GAS2: variants seen among roughly 807,000 people sequenced by gnomAD.
GAS2 encodes the protein growth arrest specific 2, also known as growth arrest-specific protein 2.
A neutral mutation model predicts 37.5 loss-of-function variants in GAS2; 20 were observed. That is an observed-to-expected ratio of 0.53 (90% CI 0.37 to 0.77). The LOEUF (loss-of-function observed/expected upper bound fraction) is 0.77. GAS2 is among the 30% of genes least tolerant of loss of function. The pLI is 0.00. For synonymous variants in GAS2, 144 were observed against 132.2 expected (o/e 1.09, Z -0.61); for missense variants, 336 against 373.4 (o/e 0.90, Z 0.82).
intron 5 of GAS2, among the ~76,000 whole-genome samples, chr11:22,742,640 G>A (rs950997269): frequency 5.3e-5 from 8 of 151,952 alleles, no homozygotes; most frequent in African/African-American, 1.7e-4. Flanking sequence ...TATGTTCAGC[G>A]GCATAACTAA....
At chr11:22,700,493 G>C (rs1216131392) in intron 3 of GAS2, among the ~76,000 whole-genome samples, 1 of 152,134 alleles carries the variant, frequency 6.6e-6, no homozygotes, top group African/African-American at 2.4e-5. Context: ...AAACAATAAG[G>C]ATCTGAGGAC....
chr11:22,665,916 T>C (rs529944694), upstream of GAS2, among the ~76,000 whole-genome samples: 41 of 152,304 alleles, frequency 2.7e-4, no homozygotes, highest in African/African-American at 9.1e-4. Flanking sequence ...ATTGTAAACA[T>C]TGGATGGCAA....
At chr11:22,690,991 C>G (rs1318476607) in intron 3 of GAS2, among the ~76,000 whole-genome samples, 1 of 152,122 alleles carries the variant, frequency 6.6e-6, no homozygotes, top group East Asian at 1.9e-4. Context: ...TACTAACTTT[C>G]CTTTGCATTT....
At chr11:22,778,174 T>C (rs1855361338) in intron 7 of GAS2, among the ~76,000 whole-genome samples, 1 of 152,198 alleles carries the variant, frequency 6.6e-6, no homozygotes, top group South Asian at 2.1e-4. Flanking sequence ...GTCAAATGAT[T>C]CTGCTGTCCA....
At chr11:22,806,720 A>C (rs540853381) in intron 7 of GAS2, among the ~76,000 whole-genome samples, 1 of 152,320 alleles carries the variant, frequency 6.6e-6, no homozygotes, top group East Asian at 1.9e-4. Context: ...GCAAGGTCTA[A>C]CTGAGACGTC....
At chr11:22,695,506 C>T (rs1195332324) in intron 3 of GAS2, among the ~76,000 whole-genome samples, 1 of 152,018 alleles carries the variant, frequency 6.6e-6, no homozygotes, top group African/African-American at 2.4e-5. Flanking sequence ...ATTTTCTTAC[C>T]CAACCTGCTC....
At chr11:22,639,312 C>T (rs1368815754) in intron 1 of GAS2, among the ~76,000 whole-genome samples, 1 of 152,098 alleles carries the variant, frequency 6.6e-6, no homozygotes, top group South Asian at 2.1e-4. Context: ...TAAAAATAAG[C>T]ATAGATTGAT....
At chr11:22,744,101 AC>A (rs1339559997) in intron 5 of GAS2, among the ~76,000 whole-genome samples, 1 of 152,030 alleles carries the variant, frequency 6.6e-6, no homozygotes, top group African/African-American at 2.4e-5. Flanking sequence ...AAAAGTTGAA[AC>A]CCTGAACAGA....
At chr11:22,773,386 C>CTT (rs34014416) in intron 7 of GAS2, among the ~76,000 whole-genome samples, 51 of 64,992 alleles carry the variant, frequency 7.8e-4, no homozygotes, top group African/African-American at 1.6e-3. Flanking sequence ...ACACCTCAAT[C>CTT]TTTTTTTTTT....
At chr11:22,769,351 C>T (rs1590110570) in intron 7 of GAS2, among the ~76,000 whole-genome samples, 1 of 152,208 alleles carries the variant, frequency 6.6e-6, no homozygotes, top group East Asian at 1.9e-4. Context: ...TATTTATCTC[C>T]TGTATTTCCC....
At chr11:22,707,297 T>C (rs1027435394) in intron 3 of GAS2, among the ~76,000 whole-genome samples, 3 of 152,194 alleles carry the variant, frequency 2.0e-5, no homozygotes, top group Admixed American at 1.3e-4. Flanking sequence ...TACCTGAGGG[T>C]TATGAGCCTT....
chr11:22,775,235 ATGAAT>A (rs1467501327), intron 7 of GAS2, among the ~76,000 whole-genome samples: 1 of 152,224 alleles, frequency 6.6e-6, no homozygotes. Flanking sequence ...AGTGCAGATA[ATGAAT>A]TGAAAAGGTA....
chr11:22,714,563 G>A (rs962067768), intron 3 of GAS2, among the ~76,000 whole-genome samples: 3 of 152,048 alleles, frequency 2.0e-5, no homozygotes, highest in African/African-American at 7.2e-5. Context: ...TCCAACAACT[G>A]CAGAATAAAG....
intron 3 of GAS2, among the ~76,000 whole-genome samples, chr11:22,716,018 C>T (rs1320034364): frequency 6.6e-6 from 1 of 152,154 alleles, no homozygotes; most frequent in Non-Finnish European, 1.5e-5. Context: ...GGGTTTCATA[C>T]TAGGGATGCA....
At position 22,782,553 on chromosome 11, in the gene GAS2, G is replaced by GC. The variant is rs1186463656; in HGVS notation, c.723+26605dup. Among the ~76,000 whole-genome samples, 8 of 151,762 alleles carry GC rather than the reference G, an allele frequency of 5.3e-5. No individual in the cohort carries two copies. In the East Asian group the frequency reaches 1.4e-3, roughly 26 times the overall value. On this transcript the variant is annotated intron_variant, in intron 7 of 7. Transcript: ENST00000454584. ...TCCAACAGGGAGTTTTTCAGCTCTTGCCCCCACATCCTTTTCCCCTCTAGT... is the reference window on the plus strand; with the variant it reads ...TCCAACAGGGAGTTTTTCAGCTCTTGCCCCCCACATCCTTTTCCCCTCTAGT...
intron 2 of GAS2, among the ~76,000 whole-genome samples, chr11:22,682,498 T>G (rs1849728358): frequency 6.6e-6 from 1 of 152,298 alleles, no homozygotes; most frequent in African/African-American, 2.4e-5. Context: ...CTTCTTTATC[T>G]TAAAATTTAA....
intron 7 of GAS2, among the ~76,000 whole-genome samples, chr11:22,765,988 A>G (rs1019985260): frequency 6.6e-6 from 1 of 152,138 alleles, no homozygotes; most frequent in Non-Finnish European, 1.5e-5. Flanking sequence ...GGTGCCACAC[A>G]CTTTAAAATG....
intron 4 of GAS2, among the ~76,000 whole-genome samples, chr11:22,734,689 A>C (rs936861645): frequency 1.3e-4 from 20 of 151,794 alleles, no homozygotes; most frequent in Non-Finnish European, 2.7e-4. Flanking sequence ...ATTTTGTTTA[A>C]TCATCACAAA....
rs182432966 is a variant in GAS2, at chr11:22,701,554, C to T, written c.267+15765C>T. On this transcript the variant is annotated intron_variant, in intron 3 of 7. Coordinates refer to ENST00000454584, the MANE Select transcript of GAS2 (RefSeq NM_001143830.3). ...AAAAAATAGTTCGGAAAGGGCTGGG[C>T]GCGGTGGCTCACGCCTGTAATCCCA... Among the ~76,000 whole-genome samples, 445 of 152,180 alleles carry T rather than the reference C, an allele frequency of 2.9e-3. 1 individual carries two copies. Among genetic ancestry groups the T allele is most frequent in the Non-Finnish European group, 4.6e-3 (312 of 67,988 alleles).
Sources: gnomAD v4.1 joint callset for allele counts (sites outside exome capture counted in the v4.1 genomes callset) on GRCh38, gnomAD v4.1.1 for gene constraint, MANE v1.5 for transcripts, NCBI Gene and HGNC (gene_info 2026-07-23, HGNC 2026-07-21) for gene names.